Variants in STK39 observed in about 807,000 individuals in gnomAD.
The protein encoded by STK39 is STE20/SPS1-related proline-alanine-rich protein kinase.
In STK39, 20 loss-of-function variants were observed where a neutral mutation model predicts 77.8. The ratio of observed to expected loss-of-function variants is 0.26; its 90% CI spans 0.18 to 0.37. STK39 has a LOEUF of 0.37. STK39 is among the 10% of genes least tolerant of loss of function. STK39 has a pLI of 1.00. For missense variants in STK39, 479 were observed against 656.5 expected (o/e 0.73, Z 2.95); for synonymous variants, 246 against 234.1 (o/e 1.05, Z -0.47).
chr2:167,977,099 T>C (rs1427283397), intron 16 of STK39, among the ~76,000 whole-genome samples: 2 of 152,206 alleles, frequency 1.3e-5, no homozygotes, highest in African/African-American at 4.8e-5. Flanking sequence ...ACAGTTCAGG[T>C]AAATTCCAGT....
chr2:168,164,082 G>A (rs973455757), intron 3 of STK39, among the ~76,000 whole-genome samples: 1 of 152,218 alleles, frequency 6.6e-6, no homozygotes, highest in Non-Finnish European at 1.5e-5. Context: ...CTTTCAGTGT[G>A]AATTTAACGA....
rs145715801 is a variant in STK39 at position 167,996,812 on chromosome 2, A to G, written c.1498+15822T>C. ...GTGTTTGGCAAAGAAACTAGAACTC[A>G]AAGAGGTAGATCACCGACTAAGGAA... is the stretch of plus-strand genomic sequence containing the variant. On this transcript the variant is annotated intron_variant, in intron 16 of 17. Coordinates refer to ENST00000355999, the MANE Select transcript of STK39 (RefSeq NM_013233.3). 8.1e-3 allele frequency among the ~76,000 whole-genome samples: 1,226 copies of G among 152,224 alleles called. 72 individuals carry two copies. Among genetic ancestry groups the G allele is most frequent in the Admixed American group, 0.073 (1,122 of 15,282 alleles).
chr2:168,063,585 C>G lies in STK39; in HGVS notation c.1306-15G>C. 2 of 1,605,166 alleles carry G rather than the reference C, an allele frequency of 1.2e-6. No individual in the cohort carries two copies. Among genetic ancestry groups the G allele is most frequent in the Non-Finnish European group, 8.5e-7 (1 of 1,175,532 alleles). The stretch of plus-strand genomic sequence containing the variant: ...TTGGGTGGGCCCTTTAAAAAGAAAA[C>G]AGCAAACAGTGTTATAAACTGTATC... On this transcript the variant is annotated splice_polypyrimidine_tract_variant and intron_variant, in intron 13 of 17. Transcript: ENST00000355999.
At chr2:168,198,990 C>T (rs1181798447) in intron 1 of STK39, among the ~76,000 whole-genome samples, 1 of 152,156 alleles carries the variant, frequency 6.6e-6, no homozygotes, top group Non-Finnish European at 1.5e-5. Flanking sequence ...GTTTCATATG[C>T]TTATGCAATT....
intron 5 of STK39, among the ~76,000 whole-genome samples, chr2:168,161,393 A>G (rs944358054): frequency 1.3e-5 from 2 of 152,230 alleles, no homozygotes; most frequent in African/African-American, 4.8e-5. Context: ...CAATTCTTTC[A>G]GATACCTCTT....
intron 10 of STK39, among the ~76,000 whole-genome samples, chr2:168,092,804 C>T (rs929101374): frequency 1.3e-5 from 2 of 152,046 alleles, no homozygotes; most frequent in East Asian, 1.9e-4. Flanking sequence ...GTCCAATGGC[C>T]GCATTGTAGA....
At chr2:168,027,725 T>C (rs1188253170) in intron 14 of STK39, among the ~76,000 whole-genome samples, 1 of 152,170 alleles carries the variant, frequency 6.6e-6, no homozygotes, top group Non-Finnish European at 1.5e-5. Flanking sequence ...TAACTGCAGG[T>C]TCTTCTGCAA....
chr2:168,104,629 C>T (rs1241612611), intron 10 of STK39, among the ~76,000 whole-genome samples: 1 of 152,052 alleles, frequency 6.6e-6, no homozygotes, highest in African/African-American at 2.4e-5. Flanking sequence ...GGGTAAAAAT[C>T]TACATCATGT....
Position 167,963,536 on chromosome 2 carries a change from A to AC in STK39, c.1563+1125_1563+1126insG, listed in dbSNP as rs200156267. 2.3e-3 allele frequency among the ~76,000 whole-genome samples: 340 copies of AC among 149,824 alleles called. 1 individual carries two copies. Among genetic ancestry groups the AC allele is most frequent in the African/African-American group, 4.9e-3 (193 of 39,616 alleles). On this transcript the variant is annotated intron_variant, in intron 17 of 17. Coordinates refer to ENST00000355999, the MANE Select transcript of STK39 (RefSeq NM_013233.3). ...ATACTCTCACATTAAAAAAAAAAAA[A>AC]ACACACACATTAAGAGGTGACAGTG...
chr2:168,109,968 C>A (rs1436678210), intron 10 of STK39, among the ~76,000 whole-genome samples: 1 of 152,120 alleles, frequency 6.6e-6, no homozygotes, highest in Non-Finnish European at 1.5e-5. Flanking sequence ...TTAAAAATGT[C>A]TTTTCCCAGT....
chr2:168,021,689 T>C (rs908540159), intron 14 of STK39, among the ~76,000 whole-genome samples: 1 of 152,122 alleles, frequency 6.6e-6, no homozygotes, highest in East Asian at 1.9e-4. Context: ...AAAATCCTTT[T>C]AATCTTAAAA....
intron 16 of STK39, among the ~76,000 whole-genome samples, chr2:167,984,112 T>C (rs1008539480): frequency 6.6e-6 from 1 of 152,220 alleles, no homozygotes; most frequent in African/African-American, 2.4e-5. Context: ...TTCTAATACG[T>C]GGACTATGAT....
At chr2:168,061,968 C>T (rs1685676876) in intron 14 of STK39, among the ~76,000 whole-genome samples, 1 of 152,050 alleles carries the variant, frequency 6.6e-6, no homozygotes, top group Non-Finnish European at 1.5e-5. Context: ...ACAGAAAAGT[C>T]GGTTTAATCT....
At chr2:167,980,392 G>C (rs1037447851) in intron 16 of STK39, among the ~76,000 whole-genome samples, 2 of 152,214 alleles carry the variant, frequency 1.3e-5, no homozygotes, top group Admixed American at 6.5e-5. Context: ...ATTTTATAGA[G>C]AGGTGCTTTG....
At chr2:168,060,611 A>C (rs921934618) in intron 14 of STK39, among the ~76,000 whole-genome samples, 1 of 152,236 alleles carries the variant, frequency 6.6e-6, no homozygotes, top group African/African-American at 2.4e-5. Flanking sequence ...AGATATCAAC[A>C]AGTGTTCACT....
At chr2:168,013,656 C>T (rs1176570214) in intron 15 of STK39, among the ~76,000 whole-genome samples, 4 of 152,154 alleles carry the variant, frequency 2.6e-5, no homozygotes, top group Non-Finnish European at 5.9e-5. Context: ...AGTCAGGGGG[C>T]ACCTGAAAGT....
intron 14 of STK39, among the ~76,000 whole-genome samples, chr2:168,059,502 T>C (rs1001819612): frequency 2.6e-5 from 4 of 152,086 alleles, no homozygotes; most frequent in Admixed American, 6.5e-5. Flanking sequence ...AGGGCAAGAA[T>C]CATGTTGTAA....
chr2:168,225,770 A>G (rs1168381307), intron 1 of STK39, among the ~76,000 whole-genome samples: 1 of 152,204 alleles, frequency 6.6e-6, no homozygotes, highest in African/African-American at 2.4e-5. Context: ...CCAGTTACTT[A>G]CCTAAGAGCA....
intron 10 of STK39, among the ~76,000 whole-genome samples, chr2:168,110,383 C>T (rs972978190): frequency 6.6e-6 from 1 of 152,104 alleles, no homozygotes; most frequent in Non-Finnish European, 1.5e-5. Context: ...TAAGGATATG[C>T]CACCATGCCT....
Sources: gnomAD v4.1 joint callset for allele counts (sites outside exome capture counted in the v4.1 genomes callset) on GRCh38, gnomAD v4.1.1 for gene constraint, MANE v1.5 for transcripts, NCBI Gene and HGNC (gene_info 2026-07-23, HGNC 2026-07-21) for gene names.